Variants in FERMT2 observed in about 807,000 individuals in gnomAD.
The protein encoded by FERMT2 is fermitin family homolog 2.
A neutral mutation model predicts 82.7 loss-of-function variants in FERMT2; 15 were observed. The observed-to-expected ratio is 0.18, with a 90% CI of 0.12 to 0.28. The LOEUF is 0.28. FERMT2 is among the 10% of genes least tolerant of loss of function. The pLI, the probability that FERMT2 is intolerant of heterozygous loss-of-function variation, is 1.00. For synonymous variants in FERMT2, 274 were observed against 271.5 expected (o/e 1.01, Z -0.09); for missense variants, 645 against 809.4 (o/e 0.80, Z 2.46).
chr14:52,942,462 C>T (rs1174222185), intron 2 of FERMT2, among the ~76,000 whole-genome samples: 2 of 152,016 alleles, frequency 1.3e-5, no homozygotes, highest in East Asian at 3.9e-4. Flanking sequence ...ACCACCACGC[C>T]CAGCTAATTT....
chr14:52,858,761 G>A (rs140069493), intron 14 of FERMT2: 2 of 474,800 alleles, frequency 4.2e-6, no homozygotes, highest in African/African-American at 3.8e-5. Context: ...AAGTTTTCAT[G>A]TTCTGAAAAG....
intron 3 of FERMT2, among the ~76,000 whole-genome samples, chr14:52,913,437 T>C (rs1399740658): frequency 2.0e-5 from 3 of 152,274 alleles, no homozygotes; most frequent in Admixed American, 6.5e-5. Context: ...AATGAGGTAT[T>C]TGTTATCCTG....
intron 4 of FERMT2, among the ~76,000 whole-genome samples, chr14:52,883,124 G>A (rs7145242): frequency 0.77 from 117,787 of 152,104 alleles, 47,991 homozygotes; most frequent in Non-Finnish European, 0.89. Context: ...ATGCACTCCA[G>A]TCTAGGCAAC....
chr14:52,870,003 A>T (rs1469982615), intron 10 of FERMT2, among the ~76,000 whole-genome samples: 1 of 152,252 alleles, frequency 6.6e-6, no homozygotes, highest in African/African-American at 2.4e-5. Context: ...ATAAGGATAT[A>T]AAGAAAATAT....
chr14:52,858,596 G>A (rs2140039859), intron 14 of FERMT2, 46 bp from the exon 15 acceptor site: 1 of 1,587,128 alleles, frequency 6.3e-7, no homozygotes, highest in Non-Finnish European at 8.6e-7. Context: ...AATGCTAGGT[G>A]GCTGGGTCCA....
At chr14:52,946,901 G>A (rs1890380754) in intron 2 of FERMT2, among the ~76,000 whole-genome samples, 1 of 151,938 alleles carries the variant, frequency 6.6e-6, no homozygotes, top group African/African-American at 2.4e-5. Flanking sequence ...TCGAAGTCCT[G>A]ACCTCAGGTG....
chr14:52,929,016 T>C (rs1254012451), intron 2 of FERMT2, among the ~76,000 whole-genome samples: 1 of 152,132 alleles, frequency 6.6e-6, no homozygotes, highest in Non-Finnish European at 1.5e-5. Flanking sequence ...GTCACTGGTG[T>C]CAGCAGCCCA....
chr14:52,899,147 T>G (rs1887470787), intron 3 of FERMT2, among the ~76,000 whole-genome samples: 1 of 152,116 alleles, frequency 6.6e-6, no homozygotes, highest in Non-Finnish European at 1.5e-5. Flanking sequence ...GATGGGCCCA[T>G]GAGAATTGCT....
At chr14:52,860,159 T>A (rs1487053176) in intron 13 of FERMT2, 182 bp downstream of exon 13, 6 of 566,448 alleles carry the variant, frequency 1.1e-5, no homozygotes, top group African/African-American at 9.8e-5. Context: ...ACAATTATCT[T>A]GAATTTTTAA....
Position 52,858,717 on chromosome 14 carries a change from A to C in FERMT2, c.1870-167T>G, listed in dbSNP as rs979011973. 4 of 582,430 alleles carry C rather than the reference A, an allele frequency of 6.9e-6. No individual in the cohort carries two copies. In the African/African-American group the frequency reaches 7.4e-5, roughly 11 times the overall value. 36.1% of individuals were successfully genotyped at this position (582,430 alleles called of 1,614,324 possible). ...GAATAATGCCTTTAAGTCCCAAAGA[A>C]GAAGCTAAGTTTATTGCCCTTCCCC... On this transcript the variant is annotated intron_variant, in intron 14 of 14. Transcript: ENST00000341590.
At chr14:52,896,829 A>G (rs1461105337) in intron 3 of FERMT2, among the ~76,000 whole-genome samples, 2 of 151,900 alleles carry the variant, frequency 1.3e-5, no homozygotes, top group Non-Finnish European at 2.9e-5. Context: ...TTCTCTACAA[A>G]CAAAATTTTT....
At chr14:52,881,537 A>G in intron 4 of FERMT2, 68 bp from the exon 5 acceptor site, 3 of 1,127,392 alleles carry the variant, frequency 2.7e-6, no homozygotes, top group South Asian at 2.9e-5. Context: ...ATAATAACAC[A>G]TATTATGATA....
chr14:52,937,728 T>C (rs888491606), intron 2 of FERMT2, among the ~76,000 whole-genome samples: 1 of 152,226 alleles, frequency 6.6e-6, no homozygotes, highest in Non-Finnish European at 1.5e-5. Flanking sequence ...TCTCATGTTA[T>C]ACCTCTATAA....
chr14:52,887,581 A>G (rs1426571465), intron 4 of FERMT2, among the ~76,000 whole-genome samples: 1 of 151,750 alleles, frequency 6.6e-6, no homozygotes, highest in African/African-American at 2.4e-5. Context: ...ATAATCTAGC[A>G]CTTTGGGAGG....
At chr14:52,950,638 A>C (rs1890588172) in intron 1 of FERMT2, 61 bp from the exon 2 acceptor site, 1 of 1,534,546 alleles carries the variant, frequency 6.5e-7, no homozygotes, top group African/African-American at 1.4e-5. Context: ...GGCGAATCCC[A>C]CCGAATTCGC....
rs944868240 is a variant in FERMT2 at position 52,900,747 on chromosome 14, C to T, written c.392-7320G>A. On this transcript the variant is annotated intron_variant, in intron 3 of 14. Coordinates refer to ENST00000341590, the MANE Select transcript of FERMT2 (RefSeq NM_006832.3). The stretch of plus-strand genomic sequence containing the variant: ...AGACTACCTGAAAAAATTTAGTCCG[C>T]CCCAGCATCCCTTTCCTGTTCCATT... Among the ~76,000 whole-genome samples, 9 of 152,222 alleles carry T rather than the reference C, an allele frequency of 5.9e-5. No homozygotes were observed. The East Asian group carries it at 1.5e-3, about 26-fold the overall frequency.
At chr14:52,878,768 C>G (rs962723134) in intron 6 of FERMT2, 79 bp from the exon 7 acceptor site, 2 of 676,846 alleles carry the variant, frequency 3.0e-6, no homozygotes, top group Non-Finnish European at 2.4e-6. Flanking sequence ...ATTCAATTGA[C>G]AAGAAAAATT....
At chr14:52,916,017 C>T (rs921348942) in intron 3 of FERMT2, among the ~76,000 whole-genome samples, 1 of 152,148 alleles carries the variant, frequency 6.6e-6, no homozygotes, top group Non-Finnish European at 1.5e-5. Flanking sequence ...AGCTGTGACA[C>T]ATCCAGACGA....
intron 4 of FERMT2, among the ~76,000 whole-genome samples, chr14:52,892,166 GTTT>G (rs10547747): frequency 1.1e-4 from 14 of 128,856 alleles, no homozygotes; most frequent in African/African-American, 4.1e-4. Flanking sequence ...GCTGTTTTTT[GTTT>G]TTTTTTTTTT....
Sources: allele counts gnomAD v4.1 joint callset (sites outside exome capture counted in the v4.1 genomes callset), GRCh38; gene constraint gnomAD v4.1.1; transcripts MANE v1.5; gene names NCBI Gene and HGNC (gene_info 2026-07-23, HGNC 2026-07-21).